Variants in CENPE observed in about 807,000 individuals in gnomAD.
CENPE encodes centromere protein E.
In CENPE, 145 loss-of-function variants were observed where a neutral mutation model predicts 336.1. That is an observed-to-expected ratio of 0.43 (90% CI 0.38 to 0.50). CENPE has a LOEUF of 0.50. Ranked by LOEUF, CENPE falls within the 20% of genes least tolerant of loss-of-function variation. The probability of loss-of-function intolerance (pLI) is 0.00; values close to 1 mark genes in which losing one functional copy is unlikely to be tolerated. For missense variants in CENPE, 2,719 were observed against 3,023.3 expected (o/e 0.90, Z 2.36); for synonymous variants, 1,013 against 984.8 (o/e 1.03, Z -0.54).
intron 42 of CENPE, among the ~76,000 whole-genome samples, chr4:103,132,182 G>C (rs745913014): frequency 1.3e-5 from 2 of 152,128 alleles, no homozygotes; most frequent in African/African-American, 4.8e-5. Flanking sequence ...GTTGATAGGG[G>C]AGATTGTGTT....
chr4:103,171,553 C>T (rs1034376004), intron 16 of CENPE, among the ~76,000 whole-genome samples: 3 of 151,506 alleles, frequency 2.0e-5, no homozygotes. Context: ...ACATCTACAT[C>T]AAAAAAGAGG....
At chr4:103,106,439 T>C (rs1465271621) in intron 48 of CENPE, 123 bp from the exon 49 acceptor site, 1 of 571,468 alleles carries the variant, frequency 1.7e-6, no homozygotes, top group Non-Finnish European at 3.0e-6. Flanking sequence ...GGCAACGTGA[T>C]TCACCGTGTT....
At chr4:103,125,215 T>G (rs1750986355) in intron 42 of CENPE, among the ~76,000 whole-genome samples, 2 of 152,168 alleles carry the variant, frequency 1.3e-5, no homozygotes. Flanking sequence ...GCAGATGAAA[T>G]TAAATTGTCA....
At chr4:103,114,411 G>T in intron 46 of CENPE, 44 bp downstream of exon 46, 1 of 1,169,240 alleles carries the variant, frequency 8.6e-7, no homozygotes. Flanking sequence ...GTTGTGTGTT[G>T]AGAAGTAAAA....
intron 9 of CENPE, among the ~76,000 whole-genome samples, chr4:103,184,441 A>C (rs897042135): frequency 1.3e-5 from 2 of 152,178 alleles, no homozygotes; most frequent in African/African-American, 4.8e-5. Flanking sequence ...TCAGTTACAA[A>C]AGGGTTTTCC....
At chr4:103,186,507 T>A (rs1400592584) in intron 8 of CENPE, among the ~76,000 whole-genome samples, 1 of 152,230 alleles carries the variant, frequency 6.6e-6, no homozygotes, top group African/African-American at 2.4e-5. Context: ...GCTGTAGCAA[T>A]ACCATGACTT....
intron 42 of CENPE, among the ~76,000 whole-genome samples, chr4:103,127,380 G>T (rs976215328): frequency 2.0e-5 from 3 of 151,926 alleles, no homozygotes; most frequent in African/African-American, 7.2e-5. Flanking sequence ...TAGAAATAAA[G>T]ACTTTCTGAG....
chr4:103,145,855 C>A lies in CENPE; in HGVS notation c.4387G>T (p.Glu1463Ter). The A allele has an allele frequency of 2.5e-6, 4 of 1,604,836 alleles. No homozygotes were observed. The highest frequency in any genetic ancestry group is 3.4e-6 in the Non-Finnish European group (4 of 1,177,534). Residue 1463 changes from glutamate to a stop codon, truncating the protein, a stop_gained, in exon 30 of 49, where the codon GAA (glutamate) becomes TAA (stop). Coordinates refer to ENST00000265148, the MANE Select transcript of CENPE (RefSeq NM_001813.3). LOFTEE classifies it high-confidence loss of function. ...TTAGCTACAATTTCTTTTATGTTTT[C>A]TTTGAGCTGGTCACTTTCAGATTGA... is the stretch of plus-strand genomic sequence containing the variant. ...VLQSESDQLK[E>*]NIKEIVAKHL...
chr4:103,157,712 G>T (rs568184717), intron 24 of CENPE, among the ~76,000 whole-genome samples: 1 of 151,788 alleles, frequency 6.6e-6, no homozygotes, highest in Non-Finnish European at 1.5e-5. Flanking sequence ...AATGGTTAAG[G>T]TGGTAAATTT....
At position 103,110,845 on chromosome 4, in the gene CENPE, T is replaced by C; in HGVS notation, c.7707A>G (p.Gln2569=). The C allele has an allele frequency of 2.5e-6, 4 of 1,599,748 alleles. No homozygotes were observed. Among genetic ancestry groups the C allele is most frequent in the Non-Finnish European group, 3.4e-6 (4 of 1,174,426 alleles). The change falls in exon 47 of 49, where the codon CAA becomes CAG. Residue 2569 remains glutamine, a synonymous_variant. Coordinates refer to ENST00000265148, the MANE Select transcript of CENPE (RefSeq NM_001813.3). ...LKQQNEQLIK[Q]KNELLSNNQH... is the part of the protein sequence containing the mutation. ...GATCTTACCTTAACAATTCATTCTT[T>C]TGTTTTATTAGCTGTTCATTTTGCT...
At chr4:103,192,296 G>A (rs1301774234) in intron 8 of CENPE, among the ~76,000 whole-genome samples, 3 of 152,146 alleles carry the variant, frequency 2.0e-5, no homozygotes, top group Non-Finnish European at 4.4e-5. Context: ...CATGAGTGAA[G>A]GTTAAAGATG....
chr4:103,142,675 GA>G (rs1328029229), intron 34 of CENPE, among the ~76,000 whole-genome samples: 1 of 152,014 alleles, frequency 6.6e-6, no homozygotes, highest in East Asian at 1.9e-4. Flanking sequence ...TTCTTTAACT[GA>G]CCTGTTTGAT....
chr4:103,114,318 A>G (rs1050029199), intron 46 of CENPE, 137 bp downstream of exon 46: 2 of 566,382 alleles, frequency 3.5e-6, no homozygotes, highest in Non-Finnish European at 6.3e-6. Context: ...TGGTTCCAAT[A>G]AATTCATTTA....
In CENPE at chr4:103,147,540, G is replaced by T; in HGVS notation, c.3950C>A (p.Thr1317Asn). The change falls in exon 29 of 49, where the codon ACC (threonine) becomes AAC (asparagine). Residue 1317 changes from threonine (T) to asparagine (N), a missense_variant. Coordinates refer to ENST00000265148, the MANE Select transcript of CENPE (RefSeq NM_001813.3). The stretch of plus-strand genomic sequence containing the variant: ...TCTTGCCAGTGTTGTTGAGTCCTTG[G>T]TTGTGGACTGTTCTGTTAATAACTC... ...ELELLTEQST[T>N]KDSTTLARIE... The T allele has an allele frequency of 6.2e-7, 1 of 1,613,920 alleles. No individual in the cohort carries two copies. The highest frequency in any genetic ancestry group is 1.1e-5 in the South Asian group (1 of 91,068).
At chr4:103,190,457 G>A (rs1757204343) in intron 8 of CENPE, among the ~76,000 whole-genome samples, 1 of 152,070 alleles carries the variant, frequency 6.6e-6, no homozygotes, top group South Asian at 2.1e-4. Context: ...ATAGACCAAT[G>A]GAAAGGAACA....
Position 103,151,391 on chromosome 4 carries a change from A to ATT in CENPE, c.3238-15_3238-14insAA. The stretch of plus-strand genomic sequence containing the variant: ...GTTTTCAATGGTCTAGAAAGAAAAA[A>ATT]AAAGTTGAGATTAAAGTAAATATTA... On this transcript the variant is annotated splice_polypyrimidine_tract_variant and intron_variant, in intron 25 of 48. Coordinates refer to ENST00000265148, the MANE Select transcript of CENPE (RefSeq NM_001813.3). 6.5e-7 allele frequency: 1 copy of ATT among 1,541,226 alleles called. No individual in the cohort carries two copies. The highest frequency in any genetic ancestry group is 8.7e-7 in the Non-Finnish European group (1 of 1,152,332).
At chr4:103,185,786 A>T (rs1288162591) in intron 9 of CENPE, 24 bp downstream of exon 9, 1 of 1,580,464 alleles carries the variant, frequency 6.3e-7, no homozygotes, top group African/African-American at 1.3e-5. Flanking sequence ...ATTAAGACTA[A>T]CATATTTCAT....
At chr4:103,106,410 G>C (rs1425822858) in intron 48 of CENPE, 94 bp from the exon 49 acceptor site, 3 of 861,774 alleles carry the variant, frequency 3.5e-6, no homozygotes, top group South Asian at 4.7e-5. Flanking sequence ...AGACAGGAGA[G>C]ATGTGAAGAA....
Position 103,195,238 on chromosome 4 carries a change from A to G in CENPE, c.358-5T>C, listed in dbSNP as rs1757647764. 6.4e-7 allele frequency: 1 copy of G among 1,566,264 alleles called. No individual in the cohort carries two copies. The highest frequency in any genetic ancestry group is 8.6e-7 in the Non-Finnish European group (1 of 1,164,016). On this transcript the variant is annotated splice_region_variant and splice_polypyrimidine_tract_variant and intron_variant, in intron 4 of 48. Coordinates refer to ENST00000265148, the MANE Select transcript of CENPE (RefSeq NM_001813.3). ...GAGAAATTCCCTATCAGGAAACTAGAAGAAAAAAAATTATATAAAAACACC... is the reference window on the plus strand; with the variant it reads ...GAGAAATTCCCTATCAGGAAACTAGGAGAAAAAAAATTATATAAAAACACC...
Sources: gnomAD v4.1 joint callset for allele counts (sites outside exome capture counted in the v4.1 genomes callset) on GRCh38, gnomAD v4.1.1 for gene constraint, MANE v1.5 for transcripts, NCBI Gene and HGNC (gene_info 2026-07-23, HGNC 2026-07-21) for gene names.